PCSK2: variants seen among roughly 807,000 people sequenced by gnomAD.
PCSK2 encodes the protein proprotein convertase subtilisin/kexin type 2.
A neutral mutation model predicts 69.7 loss-of-function variants in PCSK2; 14 were observed. The observed-to-expected ratio is 0.20, with a 90% confidence interval of 0.13 to 0.31. The LOEUF (loss-of-function observed/expected upper bound fraction) is 0.31, where lower values mean the gene tolerates loss of function less well. PCSK2 is among the 10% of genes least tolerant of loss of function. The probability of loss-of-function intolerance (pLI) is 1.00; values close to 1 mark genes in which losing one functional copy is unlikely to be tolerated. For missense variants in PCSK2, 544 were observed against 842.5 expected (o/e 0.65, Z 4.39); for synonymous variants, 307 against 320.7 (o/e 0.96, Z 0.46).
rs1220822851 is a variant in PCSK2 at position 17,417,720 on chromosome 20, A to G, written c.620+8381A>G. Among the ~76,000 whole-genome samples the G allele has an allele frequency of 2.6e-5, 4 of 152,108 alleles. No homozygotes were observed. In the East Asian group the frequency reaches 7.7e-4, roughly 29 times the overall value. ...AGCGTCCCTTCCATGAGTGTACGAT[A>G]TGTTTATTTCAAAACCCCTCTGGGA... On this transcript the variant is annotated intron_variant, in intron 6 of 11. Coordinates refer to ENST00000262545, the MANE Select transcript of PCSK2 (RefSeq NM_002594.5).
intron 2 of PCSK2, among the ~76,000 whole-genome samples, chr20:17,352,365 A>C (rs552332416): frequency 6.6e-6 from 1 of 152,330 alleles, no homozygotes; most frequent in Non-Finnish European, 1.5e-5. Flanking sequence ...AAATTCTATA[A>C]AACCAAAAAG....
chr20:17,376,332 G>A (rs1440390161), intron 5 of PCSK2, among the ~76,000 whole-genome samples: 2 of 152,226 alleles, frequency 1.3e-5, no homozygotes, highest in Non-Finnish European at 1.5e-5. Flanking sequence ...CTGTGGACTC[G>A]TAAGCTATCT....
intron 5 of PCSK2, among the ~76,000 whole-genome samples, chr20:17,390,625 G>A (rs528667100): frequency 3.3e-5 from 5 of 152,196 alleles, no homozygotes; most frequent in Admixed American, 2.6e-4. Flanking sequence ...CTCTCCAATC[G>A]CTGTACACTC....
At chr20:17,309,049 G>A (rs2123107831) in intron 2 of PCSK2, among the ~76,000 whole-genome samples, 1 of 152,352 alleles carries the variant, frequency 6.6e-6, no homozygotes, top group East Asian at 1.9e-4. Flanking sequence ...GGCAGAGGGA[G>A]TGAATGAAGT....
At position 17,237,680 on chromosome 20, in the gene PCSK2, T is replaced by G. The variant is rs143199211; in HGVS notation, c.177+10198T>G. Among the ~76,000 whole-genome samples the G allele has an allele frequency of 1.5e-3, 233 of 152,234 alleles. 1 individual carries two copies. Among genetic ancestry groups the G allele is most frequent in the African/African-American group, 5.5e-3 (229 of 41,536 alleles). ...AATTTGGGTCCCCAGATGTAGGCCC[T>G]GGAATAAGGACTTAAATGCAAGTAG... On this transcript the variant is annotated intron_variant, in intron 1 of 11. Coordinates refer to ENST00000262545, the MANE Select transcript of PCSK2 (RefSeq NM_002594.5).
At chr20:17,282,986 G>A (rs1192433223) in intron 2 of PCSK2, among the ~76,000 whole-genome samples, 3 of 152,118 alleles carry the variant, frequency 2.0e-5, no homozygotes, top group African/African-American at 7.2e-5. Flanking sequence ...TAGGATTGGG[G>A]ATCTTAGGGA....
chr20:17,347,528 G>A (rs917283866), intron 2 of PCSK2, among the ~76,000 whole-genome samples: 1 of 152,074 alleles, frequency 6.6e-6, no homozygotes, highest in Non-Finnish European at 1.5e-5. Context: ...TTCAAACACT[G>A]AGATAACACA....
intron 2 of PCSK2, among the ~76,000 whole-genome samples, chr20:17,349,307 G>T (rs530471366): frequency 9.2e-5 from 14 of 152,334 alleles, no homozygotes; most frequent in Non-Finnish European, 1.2e-4. Flanking sequence ...AGGCAGCTGT[G>T]TGCCTACAAA....
At chr20:17,370,354 G>T (rs11698196) in intron 5 of PCSK2, among the ~76,000 whole-genome samples, 22,963 of 152,136 alleles carry the variant, frequency 0.15, 1,947 homozygotes, top group Middle Eastern at 0.29. Context: ...ACAAAGAAAG[G>T]GGGAATATTC....
At chr20:17,341,702 T>TA (rs1990514338) in intron 2 of PCSK2, among the ~76,000 whole-genome samples, 1 of 152,230 alleles carries the variant, frequency 6.6e-6, no homozygotes, top group Non-Finnish European at 1.5e-5. Context: ...TCAAGAGCAC[T>TA]AGGCAAGGAG....
intron 6 of PCSK2, among the ~76,000 whole-genome samples, chr20:17,411,576 C>T (rs1466785272): frequency 3.7e-4 from 56 of 152,236 alleles, no homozygotes; most frequent in Non-Finnish European, 1.2e-4. Context: ...TAGACTCCAC[C>T]TCTGTGGGCA....
At chr20:17,449,264 A>T (rs1171872080) in intron 8 of PCSK2, among the ~76,000 whole-genome samples, 1 of 152,076 alleles carries the variant, frequency 6.6e-6, no homozygotes, top group Non-Finnish European at 1.5e-5. Context: ...CCCCCAGCAG[A>T]CAGCCCCACC....
In PCSK2 at chr20:17,482,601, T is replaced by G. The variant is rs1317226018; in HGVS notation, c.*531T>G. The G allele has an allele frequency of 6.6e-6, 1 of 152,204 alleles. No individual in the cohort carries two copies. The highest frequency in any genetic ancestry group is 1.5e-5 in the Non-Finnish European group (1 of 68,110). 9.4% of individuals were successfully genotyped at this position (152,204 alleles called of 1,614,324 possible). ...TGAATTTAGTGAGATTTACCAGGGA[T>G]GTAGATTAAGGTGATGTGATTCAAA... On this transcript the variant is annotated 3_prime_UTR_variant, in exon 12 of 12. Coordinates refer to ENST00000262545, the MANE Select transcript of PCSK2 (RefSeq NM_002594.5).
intron 2 of PCSK2, among the ~76,000 whole-genome samples, chr20:17,323,215 G>T (rs988737549): frequency 6.6e-6 from 1 of 152,160 alleles, no homozygotes; most frequent in Non-Finnish European, 1.5e-5. Context: ...TACAACACAT[G>T]AATTCTGAGG....
intron 10 of PCSK2, chr20:17,463,965 G>GCA (rs143808073): frequency 7.2e-4 from 109 of 151,910 alleles, no homozygotes; most frequent in African/African-American, 2.5e-3. Context: ...CTGCAGCTCA[G>GCA]CACACACACA....
intron 8 of PCSK2, among the ~76,000 whole-genome samples, chr20:17,437,807 G>A (rs57454068): frequency 0.064 from 9,702 of 152,280 alleles, 462 homozygotes; most frequent in Middle Eastern, 0.13. Flanking sequence ...TGGCTCATCC[G>A]TCCTCCATGA....
chr20:17,471,591 G>A (rs1043674783), intron 11 of PCSK2, among the ~76,000 whole-genome samples: 3 of 152,224 alleles, frequency 2.0e-5, no homozygotes, highest in Admixed American at 1.3e-4. Flanking sequence ...CAATAGGACC[G>A]GCGGGCCAGC....
chr20:17,286,171 A>G (rs1988504632), intron 2 of PCSK2, among the ~76,000 whole-genome samples: 1 of 152,218 alleles, frequency 6.6e-6, no homozygotes, highest in Non-Finnish European at 1.5e-5. Flanking sequence ...GGTTTGGATA[A>G]TGAAGTAACA....
At chr20:17,280,310 GA>G (rs1988259671) in intron 2 of PCSK2, among the ~76,000 whole-genome samples, 1 of 152,182 alleles carries the variant, frequency 6.6e-6, no homozygotes, top group African/African-American at 2.4e-5. Flanking sequence ...TACTATGGTG[GA>G]AATTTCTTTC....
Sources: allele counts gnomAD v4.1 joint callset (sites outside exome capture counted in the v4.1 genomes callset), GRCh38; gene constraint gnomAD v4.1.1; transcripts MANE v1.5; gene names NCBI Gene and HGNC (gene_info 2026-07-23, HGNC 2026-07-21).